TMCO5A: variants seen among roughly 807,000 people sequenced by gnomAD.
The protein encoded by TMCO5A is transmembrane and coiled-coil domains 5A.
Under a neutral mutation model 42.3 loss-of-function variants are expected in TMCO5A, and 34 were observed. The ratio of observed to expected loss-of-function variants is 0.80; its 90% CI spans 0.61 to 1.07. TMCO5A has a LOEUF of 1.07. TMCO5A is among the 50% of genes least tolerant of loss of function. The pLI, the probability that TMCO5A is intolerant of heterozygous loss-of-function variation, is 0.00. For missense variants in TMCO5A, 357 were observed against 327.9 expected, an observed-to-expected ratio of 1.09 and a Z score of -0.69; for synonymous variants, 131 against 115.6, an observed-to-expected ratio of 1.13 and a Z score of -0.86.
At chr15:37,975,472 C>T in the TMCO5A span, among the ~76,000 whole-genome samples, 1 of 145,900 alleles carries the variant, frequency 6.9e-6, no homozygotes, top group Non-Finnish European at 1.5e-5. Context: ...TTGAATTAAA[C>T]TCTTTACCAT....
At chr15:37,969,696 C>G (rs142598509), downstream of TMCO5A, among the ~76,000 whole-genome samples, 7 of 152,260 alleles carry the variant, frequency 4.6e-5, no homozygotes, top group Non-Finnish European at 8.8e-5. Context: ...TTCAGTTCCT[C>G]TCCCTCCTCC....
chr15:37,962,784 C>T (rs4613024), intron 11 of TMCO5A, among the ~76,000 whole-genome samples: 34,135 of 151,880 alleles, frequency 0.22, 4,069 homozygotes, highest in Admixed American at 0.3. Flanking sequence ...TGTATCTTTC[C>T]AGGAATTTAT....
chr15:37,938,459 T>G (rs1889610887), intron 6 of TMCO5A, among the ~76,000 whole-genome samples: 1 of 152,222 alleles, frequency 6.6e-6, no homozygotes, highest in East Asian at 1.9e-4. Context: ...AGGGCACAAA[T>G]GCATATGTAA....
chr15:38,035,660 C>T, the TMCO5A span, among the ~76,000 whole-genome samples: 1 of 152,142 alleles, frequency 6.6e-6, no homozygotes, highest in Admixed American at 6.5e-5. Flanking sequence ...TAAGATTGAC[C>T]ACCCAAAGGA....
chr15:37,941,733 A>G lies in TMCO5A; in HGVS notation c.504+3A>G, dbSNP rs757654619. On this transcript the variant is annotated splice_donor_region_variant and intron_variant, in intron 8 of 11. Coordinates refer to ENST00000319669, the MANE Select transcript of TMCO5A (RefSeq NM_152453.4). ...AAGATCAAGCCCTCTACATAAAGGTAGAGCTTCTTGGTAAAGGGATAGCAA... is the reference window on the plus strand; with the variant it reads ...AAGATCAAGCCCTCTACATAAAGGTGGAGCTTCTTGGTAAAGGGATAGCAA... The G allele has an allele frequency of 6.2e-7, 1 of 1,609,644 alleles. No individual in the cohort carries two copies. The highest frequency in any genetic ancestry group is 8.5e-7 in the Non-Finnish European group (1 of 1,176,414).
chr15:37,976,381 T>C, the TMCO5A span, among the ~76,000 whole-genome samples: 2 of 152,310 alleles, frequency 1.3e-5, no homozygotes, highest in Admixed American at 1.3e-4. Context: ...TTATTGTGTG[T>C]CTTGGGGATA....
At chr15:37,943,295 T>C (rs1174237260) in intron 9 of TMCO5A, 46 bp from the exon 10 acceptor site, 1 of 1,582,774 alleles carries the variant, frequency 6.3e-7, no homozygotes, top group Admixed American at 1.7e-5. Flanking sequence ...GTATGAATAT[T>C]TCAGTGCACT....
At chr15:38,001,521 T>A in the TMCO5A span, among the ~76,000 whole-genome samples, 2 of 151,808 alleles carry the variant, frequency 1.3e-5, no homozygotes, top group Non-Finnish European at 2.9e-5. Context: ...TTATTATTGA[T>A]AAGTAAAGAC....
the TMCO5A span, among the ~76,000 whole-genome samples, chr15:38,001,964 A>G: frequency 6.6e-6 from 1 of 152,112 alleles, no homozygotes; most frequent in Non-Finnish European, 1.5e-5. Flanking sequence ...CACCACAATT[A>G]TTGTGTTATA....
chr15:38,037,246 A>T, the TMCO5A span, among the ~76,000 whole-genome samples: 1 of 152,230 alleles, frequency 6.6e-6, no homozygotes, highest in Non-Finnish European at 1.5e-5. Flanking sequence ...GGAAGAAATA[A>T]ACAGCAAAAT....
At position 37,944,622 on chromosome 15, in the gene TMCO5A, A is replaced by T. The variant is rs117020286; in HGVS notation, c.627+1224A>T. Among the ~76,000 whole-genome samples the T allele has an allele frequency of 6.7e-3, 1,027 of 152,158 alleles. 6 individuals are homozygous for T. The highest frequency in any genetic ancestry group is 0.011 in the Non-Finnish European group (724 of 67,976). On this transcript the variant is annotated intron_variant, in intron 10 of 11. Coordinates refer to ENST00000319669, the MANE Select transcript of TMCO5A (RefSeq NM_152453.4). ...AGCTCTAATTTTTTTTAGTAGAAAG[A>T]TGAAGTCTCACTATGTTGTTCAGGC...
the TMCO5A span, among the ~76,000 whole-genome samples, chr15:37,977,651 G>C: frequency 6.6e-6 from 1 of 152,200 alleles, no homozygotes; most frequent in Non-Finnish European, 1.5e-5. Context: ...CTCAAGTGTT[G>C]ACTGAAGATC....
chr15:37,953,170 T>A (rs541717289), downstream of TMCO5A, among the ~76,000 whole-genome samples: 19 of 152,302 alleles, frequency 1.2e-4, no homozygotes, highest in South Asian at 3.5e-3. Flanking sequence ...ACAAGCCTGG[T>A]TGCTTTGCCA....
chr15:37,979,992 G>T, the TMCO5A span, among the ~76,000 whole-genome samples: 59 of 152,294 alleles, frequency 3.9e-4, no homozygotes, highest in Middle Eastern at 3.4e-3. Context: ...GCACTGTGTT[G>T]GGGGCTATGT....
At chr15:37,970,770 C>T (rs146281546), downstream of TMCO5A, among the ~76,000 whole-genome samples, 768 of 152,318 alleles carry the variant, frequency 5.0e-3, 12 homozygotes, top group African/African-American at 0.018. Context: ...AGTCCAAAAT[C>T]CAGTGGGGTA....
chr15:37,986,914 G>A, the TMCO5A span, among the ~76,000 whole-genome samples: 1 of 152,028 alleles, frequency 6.6e-6, no homozygotes, highest in African/African-American at 2.4e-5. Context: ...AATTCTGGCT[G>A]TATATCCAGA....
intron 5 of TMCO5A, among the ~76,000 whole-genome samples, 167 bp downstream of exon 5, chr15:37,937,563 T>A (rs570674969): frequency 6.6e-6 from 1 of 152,182 alleles, no homozygotes; most frequent in South Asian, 2.1e-4. Context: ...GTTCATGACC[T>A]AAATGTTAGG....
At chr15:37,961,083 G>T (rs1162869963) in intron 11 of TMCO5A, among the ~76,000 whole-genome samples, 1 of 151,986 alleles carries the variant, frequency 6.6e-6, no homozygotes, top group African/African-American at 2.4e-5. Context: ...TATTGCATTT[G>T]CTTTTGGGTT....
the TMCO5A span, among the ~76,000 whole-genome samples, chr15:38,036,373 T>C: frequency 1.3e-5 from 2 of 152,040 alleles, no homozygotes; most frequent in East Asian, 1.9e-4. Context: ...CTACTCCCTA[T>C]TGGTACAAAA....
Sources: gnomAD v4.1 joint callset for allele counts (sites outside exome capture counted in the v4.1 genomes callset) on GRCh38, gnomAD v4.1.1 for gene constraint, MANE v1.5 for transcripts, NCBI Gene and HGNC (gene_info 2026-07-23, HGNC 2026-07-21) for gene names.